Variants in ATP12A observed in about 807,000 individuals in gnomAD.
The protein encoded by ATP12A is potassium-transporting ATPase alpha chain 2.
A neutral mutation model predicts 111.2 loss-of-function variants in ATP12A; 81 were observed. The ratio of observed to expected loss-of-function variants is 0.73; its 90% CI spans 0.61 to 0.88. The LOEUF is 0.88. Among genes scored for constraint, ATP12A ranks in the 40% least tolerant of loss-of-function variants. The probability of loss-of-function intolerance (pLI) is 0.00; values close to 1 mark genes in which losing one functional copy is unlikely to be tolerated. For missense variants in ATP12A, 1,196 were observed against 1,313.1 expected (o/e 0.91, Z 1.38); for synonymous variants, 498 against 499.8 (o/e 1.00, Z 0.05).
Position 24,680,676 on chromosome 13 carries a change from G to A in ATP12A, c.-68G>A. The stretch of plus-strand genomic sequence containing the variant: ...CCACAGCCACACGAGGCCCCCCACC[G>A]TGCGCTCCGCCGCTGCGGTCCCGGA... On this transcript the variant is annotated 5_prime_UTR_variant, in exon 1 of 23. In the 5' UTR this introduces an upstream ATG that the reference lacks. Transcript: ENST00000381946. The A allele has an allele frequency of 6.7e-7, 1 of 1,491,342 alleles. No homozygotes were observed. Among genetic ancestry groups the A allele is most frequent in the Non-Finnish European group, 8.9e-7 (1 of 1,124,500 alleles). 92.4% of individuals were successfully genotyped at this position (1,491,342 alleles called of 1,614,324 possible).
In ATP12A at chr13:24,690,412, G is replaced by A; in HGVS notation, c.621G>A (p.Glu207=). ...SEQLVVGDIV[E]VKGGDQIPAD... is the part of the protein sequence containing the mutation. ...AGCTGGTGGTGGGGGACATTGTGGA[G>A]GTCAAAGGAGGAGACCAGATCCCTG... is the stretch of plus-strand genomic sequence containing the variant. The change falls in exon 6 of 23, where the codon GAG becomes GAA. Residue 207 remains glutamate, a synonymous_variant. Coordinates refer to ENST00000381946, the MANE Select transcript of ATP12A (RefSeq NM_001676.7). 7.4e-6 allele frequency: 12 copies of A among 1,613,552 alleles called. No individual in the cohort carries two copies. The highest frequency in any genetic ancestry group is 1.0e-5 in the Non-Finnish European group (12 of 1,179,944).
At position 24,688,366 on chromosome 13, in the gene ATP12A, C is replaced by T; in HGVS notation, c.276C>T (p.Pro92=). 1.9e-6 allele frequency: 3 copies of T among 1,614,110 alleles called. No individual in the cohort carries two copies. Among genetic ancestry groups the T allele is most frequent in the Non-Finnish European group, 8.5e-7 (1 of 1,180,002 alleles). The part of the protein sequence containing the change: ...RAAELLARDG[P]NSLTPPKQTP... ...CCGAGCTCCTGGCCCGGGATGGGCCCAACTCCCTCACCCCTCCCAAGCAGA... is the reference window on the plus strand; with the variant it reads ...CCGAGCTCCTGGCCCGGGATGGGCCTAACTCCCTCACCCCTCCCAAGCAGA... The change falls in exon 4 of 23, where the codon CCC becomes CCT. Residue 92 remains proline (P), a synonymous_variant. Transcript: ENST00000381946.
chr13:24,694,534 C>T lies in ATP12A; in HGVS notation c.1468C>T (p.Arg490Cys), dbSNP rs145531717. The change falls in exon 11 of 23, where the codon CGC (arginine) becomes TGC (cysteine). Residue 490 changes from arginine to cysteine, a missense_variant. Transcript: ENST00000381946. ...GDVMEIRKRNRKVAEIPFNST... is the reference protein window; with the variant it reads ...GDVMEIRKRNCKVAEIPFNST... The stretch of plus-strand genomic sequence containing the variant: ...TGTGATGGAAATTAGAAAAAGAAAC[C>T]GCAAAGTAGCTGAAATCCCTTTTAA... The T allele has an allele frequency of 1.2e-5, 19 of 1,613,672 alleles. 1 individual carries two copies. Among genetic ancestry groups the T allele is most frequent in the Admixed American group, 8.3e-5 (5 of 60,000 alleles).
At chr13:24,690,523 C>T in intron 6 of ATP12A, 51 bp downstream of exon 6, 2 of 1,606,778 alleles carry the variant, frequency 1.2e-6, no homozygotes, top group Non-Finnish European at 1.7e-6. Flanking sequence ...AACCTGCTGG[C>T]TCTGGGGTCT....
rs1875942782 is a variant in ATP12A at position 24,710,955 on chromosome 13, T to TA, written c.2999+65dup. ...GCCTCTGCTTTGAGCTGTCGCAGCC[T>TA]AAATAAACCTGAGGATTCCCAGGGT... is the stretch of plus-strand genomic sequence containing the variant. On this transcript the variant is annotated intron_variant, in intron 21 of 22. Transcript: ENST00000381946. 5 of 1,441,906 alleles carry TA rather than the reference T, an allele frequency of 3.5e-6. No individual in the cohort carries two copies. The African/African-American group carries it at 4.2e-5, about 12-fold the overall frequency. 89.3% of individuals were successfully genotyped at this position (1,441,906 alleles called of 1,614,324 possible).
chr13:24,685,258 G>T lies in ATP12A; in HGVS notation c.169-56G>T. 22 of 1,554,750 alleles carry T rather than the reference G, an allele frequency of 1.4e-5. No homozygotes were observed. The highest frequency in any genetic ancestry group is 1.7e-5 in the Non-Finnish European group (19 of 1,126,202). ...CTTCCATGGCTGGTCAAAGCTTGGG[G>T]CTTGAGTCTTTTGGAATTATCTAAT... On this transcript the variant is annotated intron_variant, in intron 2 of 22. Coordinates refer to ENST00000381946, the MANE Select transcript of ATP12A (RefSeq NM_001676.7). The surrounding 1 kb of genome is among the most constrained non-coding windows in gnomAD (Gnocchi z 5.5).
At chr13:24,699,299 A>T (rs79894863) in intron 12 of ATP12A, among the ~76,000 whole-genome samples, 4,703 of 152,254 alleles carry the variant, frequency 0.031, 249 homozygotes, top group African/African-American at 0.1. Flanking sequence ...GCCAGGTTTC[A>T]TCCTGCAGTC....
At chr13:24,689,517 T>G in intron 5 of ATP12A, 142 bp downstream of exon 5, 2 of 697,184 alleles carry the variant, frequency 2.9e-6, no homozygotes, top group Non-Finnish European at 4.9e-6. Flanking sequence ...AACCCATCTG[T>G]CAGAACCCCA....
In ATP12A at chr13:24,682,401, A is replaced by ACGTGTGTGTGTG. The variant is rs1555253823; in HGVS notation, c.168+681_168+682insCGTGTGTGTGTG. Among the ~76,000 whole-genome samples the ACGTGTGTGTGTG allele has an allele frequency of 2.4e-4, 31 of 131,244 alleles. 1 individual carries two copies. The highest frequency in any genetic ancestry group is 1.3e-3 in the South Asian group (5 of 3,928). The allele number at this position is 131,244 out of a possible 152,430, so 86.1% of individuals were successfully genotyped here. A position where few individuals can be genotyped will look rare whatever the true frequency, so the allele number is the denominator to read the frequency against. On this transcript the variant is annotated intron_variant, in intron 2 of 22. Transcript: ENST00000381946. ...TGTGTGTGTGGTGTGTGGTGTGTGT[A>ACGTGTGTGTGTG]TGTGTGTGTGTGTGTTTTGAATGGT...
rs778697497 is a variant in ATP12A, at chr13:24,706,360, G to A, written c.2066G>A (p.Ser689Asn). Residue 689 changes from serine to asparagine, a missense_variant, in exon 15 of 23, where the codon AGC (serine) becomes AAC (asparagine). Physicochemically the swap from Ser to Asn is conservative, Grantham distance 46. Coordinates refer to ENST00000381946, the MANE Select transcript of ATP12A (RefSeq NM_001676.7). ...ACTGGCATGGAGCTGAAGGACATGA[G>A]CTCAGAACAGCTGGATGAGATCTTA... The part of the protein sequence containing the change: ...VVTGMELKDM[S>N]SEQLDEILAN... 6.2e-7 allele frequency: 1 copy of A among 1,614,244 alleles called. No individual in the cohort carries two copies. Among genetic ancestry groups the A allele is most frequent in the South Asian group, 1.1e-5 (1 of 91,086 alleles).
chr13:24,704,878 A>C (rs1372302194), intron 14 of ATP12A: 1 of 152,502 alleles, frequency 6.6e-6, no homozygotes, highest in East Asian at 1.9e-4. Context: ...AGTGAAGTGG[A>C]TGCTTTTGTG....
intron 3 of ATP12A, among the ~76,000 whole-genome samples, chr13:24,687,445 C>T (rs1260521539): frequency 6.7e-6 from 1 of 149,254 alleles, no homozygotes; most frequent in Admixed American, 6.8e-5. Flanking sequence ...GCTTGGGCAA[C>T]AGAGCGAGAC....
At chr13:24,681,871 G>A in intron 2 of ATP12A, 151 bp downstream of exon 2, 1 of 1,056,310 alleles carries the variant, frequency 9.5e-7, no homozygotes, top group Non-Finnish European at 1.4e-6. Context: ...TGCGTGGTGT[G>A]TCTGTGTGGT....
chr13:24,698,572 C>T (rs938210314), intron 11 of ATP12A, 86 bp from the exon 12 acceptor site: 1 of 1,405,752 alleles, frequency 7.1e-7, no homozygotes, highest in Non-Finnish European at 9.6e-7. Flanking sequence ...TGTGCCTCTT[C>T]CTCCTTTACA....
rs1354856760 is a variant in ATP12A at position 24,709,783 on chromosome 13, G to A, written c.2718G>A (p.Glu906=). 1 of 1,614,240 alleles carries A rather than the reference G, an allele frequency of 6.2e-7. No homozygotes were observed. Among genetic ancestry groups the A allele is most frequent in the Non-Finnish European group, 8.5e-7 (1 of 1,180,046 alleles). ...RTLINLRVEW[E]KDYVNDLKDS... is the part of the protein sequence containing the mutation. ...TCATTAACCTGCGGGTAGAATGGGA[G>A]AAGGACTACGTGAATGACTTGAAAG... is the stretch of plus-strand genomic sequence containing the variant. Residue 906 remains glutamate (E), a synonymous_variant, in exon 19 of 23, where the codon GAG becomes GAA. Coordinates refer to ENST00000381946, the MANE Select transcript of ATP12A (RefSeq NM_001676.7).
rs1399729842 is a variant in ATP12A, at chr13:24,692,842, A to G, written c.1323A>G (p.Thr441=). ...RTWASLSKII[T]LCNRAEFKPG... ...GGGCCTCCTTATCCAAGATAATAAC[A>G]TTGTGTAACCGAGCAGAGTTCAAGC... The change falls in exon 10 of 23, where the codon ACA becomes ACG. Residue 441 remains threonine (T), a synonymous_variant. Transcript: ENST00000381946. The G allele has an allele frequency of 1.2e-6, 2 of 1,614,200 alleles. No individual in the cohort carries two copies. The highest frequency in any genetic ancestry group is 1.7e-6 in the Non-Finnish European group (2 of 1,180,032).
chr13:24,710,765 G>A lies in ATP12A; in HGVS notation c.2898-27G>A, dbSNP rs1184920851. The A allele has an allele frequency of 1.1e-5, 17 of 1,611,500 alleles. No individual in the cohort carries two copies. In the East Asian group the frequency reaches 3.8e-4, roughly 36 times the overall value. ...GATCATGAAGCCACAAGAATCCCAAGTCTGTCTGCTTTTGTGTGTCTTGCA... is the reference window on the plus strand; with the variant it reads ...GATCATGAAGCCACAAGAATCCCAAATCTGTCTGCTTTTGTGTGTCTTGCA... On this transcript the variant is annotated intron_variant, in intron 20 of 22. Coordinates refer to ENST00000381946, the MANE Select transcript of ATP12A (RefSeq NM_001676.7).
At chr13:24,686,878 G>A (rs1053486608) in intron 3 of ATP12A, among the ~76,000 whole-genome samples, 23 of 152,246 alleles carry the variant, frequency 1.5e-4, no homozygotes, top group Middle Eastern at 3.4e-3. Context: ...AGCAGGAGGA[G>A]GAGAGCCGGT....
chr13:24,696,509 A>G (rs377577210), intron 11 of ATP12A, among the ~76,000 whole-genome samples: 1 of 129,296 alleles, frequency 7.7e-6, no homozygotes, highest in South Asian at 2.9e-4. Context: ...GATCGAGACC[A>G]TCCTGGCTAA....
Sources: allele counts gnomAD v4.1 joint callset (sites outside exome capture counted in the v4.1 genomes callset), GRCh38; gene constraint gnomAD v4.1.1; non-coding constraint Gnocchi (gnomAD v3.1); transcripts MANE v1.5; gene names NCBI Gene and HGNC (gene_info 2026-07-23, HGNC 2026-07-21).